Variants in LIPG observed in about 807,000 individuals in gnomAD.
The protein encoded by LIPG is lipase G, endothelial type, also known as endothelial lipase.
In LIPG, 34 loss-of-function variants were observed where a neutral mutation model predicts 51.8. The ratio of observed to expected loss-of-function variants is 0.66; its 90% CI spans 0.50 to 0.87. The LOEUF (loss-of-function observed/expected upper bound fraction) is 0.87, where lower values mean the gene tolerates loss of function less well. Ranked by LOEUF, LIPG falls within the 40% of genes least tolerant of loss-of-function variation. LIPG has a pLI of 0.00. For synonymous variants in LIPG, 246 were observed against 246.1 expected, an observed-to-expected ratio of 1.00 and a Z score of 0.00; for missense variants, 580 against 652.7, an observed-to-expected ratio of 0.89 and a Z score of 1.21.
chr18:49,595,986 A>G lies in LIPG; in HGVS notation c.*5464A>G, dbSNP rs2084980344. The stretch of plus-strand genomic sequence containing the variant: ...CAAAGAGAAACAAAATTAGATTCCT[A>G]TTTTAACACGCAACAAAGATGAATT... On this transcript the variant is annotated 3_prime_UTR_variant, in exon 10 of 10. Coordinates refer to ENST00000261292, the MANE Select transcript of LIPG (RefSeq NM_006033.4). 1 of 152,220 alleles carries G rather than the reference A, an allele frequency of 6.6e-6. No homozygotes were observed. The highest frequency in any genetic ancestry group is 1.5e-5 in the Non-Finnish European group (1 of 68,044). 9.4% of individuals were successfully genotyped at this position (152,220 alleles called of 1,614,324 possible).
rs186693251 is a variant in LIPG at position 49,567,615 on chromosome 18, G to T, written c.453G>T (p.Trp151Cys). The T allele has an allele frequency of 1.2e-5, 20 of 1,613,918 alleles. 1 individual carries two copies. In the Admixed American group the frequency reaches 3.3e-4, roughly 27 times the overall value. ...VGHSIARMLD[W>C]LQEKDDFSLG... ...ACAGCATTGCCAGGATGCTCGACTG[G>T]CTGCAGGTACTGGGGGATGAGAGGG... The change falls in exon 3 of 10, where the codon TGG becomes TGT. Residue 151 changes from tryptophan to cysteine, a missense_variant. By Grantham distance (215) the Trp-to-Cys change is radical (BLOSUM62 -2). Coordinates refer to ENST00000261292, the MANE Select transcript of LIPG (RefSeq NM_006033.4).
intron 2 of LIPG, 151 bp from the exon 3 acceptor site, chr18:49,567,291 G>C (rs1341670879): frequency 5.6e-6 from 4 of 720,106 alleles, no homozygotes; most frequent in African/African-American, 5.4e-5. Flanking sequence ...AGCTGAGATT[G>C]TTGTCAGTGC....
At position 49,571,765 on chromosome 18, in the gene LIPG, C is replaced by G. The variant is rs1287613934; in HGVS notation, c.571+2217C>G. 2.0e-5 allele frequency among the ~76,000 whole-genome samples: 3 copies of G among 152,282 alleles called. No homozygotes were observed. In the East Asian group the frequency reaches 5.8e-4, roughly 29 times the overall value. ...AGTGATGCCACTATGCTAAGGCCAC[C>G]AGGCAGTCCTTAGCCTGGGCCTTGC... On this transcript the variant is annotated intron_variant, in intron 4 of 9. Transcript: ENST00000261292.
Position 49,564,360 on chromosome 18 carries a change from C to T in LIPG, c.98-957C>T, listed in dbSNP as rs982597636. ...GGGGTCCATTTATGACTTTCTGAAACGGTGTCATGATGACAGCACCTACTT... is the reference window on the plus strand; with the variant it reads ...GGGGTCCATTTATGACTTTCTGAAATGGTGTCATGATGACAGCACCTACTT... On this transcript the variant is annotated intron_variant, in intron 1 of 9. Coordinates refer to ENST00000261292, the MANE Select transcript of LIPG (RefSeq NM_006033.4). Among the ~76,000 whole-genome samples, 7 of 152,266 alleles carry T rather than the reference C, an allele frequency of 4.6e-5. No homozygotes were observed. In the South Asian group the frequency reaches 8.3e-4, roughly 18 times the overall value.
chr18:49,581,799 G>A lies in LIPG; in HGVS notation c.1036+142G>A. 2.1e-5 allele frequency: 22 copies of A among 1,030,806 alleles called. No individual in the cohort carries two copies. In the South Asian group the frequency reaches 2.7e-4, roughly 13 times the overall value. 63.9% of individuals were successfully genotyped at this position (1,030,806 alleles called of 1,614,324 possible). ...AAATCGTTGCAAATCAGATTACACT[G>A]TGCATGTCCTAGGAAAGGGAATCTT... is the stretch of plus-strand genomic sequence containing the variant. On this transcript the variant is annotated intron_variant, in intron 6 of 9. Coordinates refer to ENST00000261292, the MANE Select transcript of LIPG (RefSeq NM_006033.4).
chr18:49,583,723 G>T lies in LIPG; in HGVS notation c.1325G>T (p.Arg442Leu), dbSNP rs372872369. The T allele has an allele frequency of 6.2e-7, 1 of 1,614,074 alleles. No individual in the cohort carries two copies. The part of the protein sequence containing the change: ...SYLSQPRNPG[R>L]ELNIRRIRVK... ...CTGTCTCAACCCCGCAACCCCGGAC[G>T]GGAGCTGAATATCAGGCGCATCCGG... The change falls in exon 8 of 10, where the codon CGG becomes CTG. Residue 442 changes from arginine (R) to leucine (L), a missense_variant. By Grantham distance (102) the Arg-to-Leu change is moderately radical. Coordinates refer to ENST00000261292, the MANE Select transcript of LIPG (RefSeq NM_006033.4).
chr18:49,581,045 A>G (rs2084813195), intron 5 of LIPG, among the ~76,000 whole-genome samples: 2 of 151,912 alleles, frequency 1.3e-5, no homozygotes, highest in South Asian at 4.2e-4. Flanking sequence ...GATTGCTTGA[A>G]CCCAGGAGTT....
chr18:49,590,153 C>T (rs2084924827), intron 9 of LIPG: 2 of 415,140 alleles, frequency 4.8e-6, no homozygotes, highest in Non-Finnish European at 9.0e-6. Flanking sequence ...ATAGTTCTCC[C>T]CACACTTGTG....
rs61762476 is a variant in LIPG at position 49,575,427 on chromosome 18, G to A, written c.630G>A (p.Pro210=). 542 of 1,613,986 alleles carry A rather than the reference G, an allele frequency of 3.4e-4. 1 individual carries two copies. The African/African-American group carries it at 4.0e-3, about 12-fold the overall frequency. ...EGADIHKRLS[P]DDADFVDVLH... ...CCGACATCCACAAGAGGCTCTCTCC[G>A]GACGATGCAGATTTTGTGGATGTCC... The change falls in exon 5 of 10, where the codon CCG becomes CCA. Residue 210 remains proline, a synonymous_variant. Coordinates refer to ENST00000261292, the MANE Select transcript of LIPG (RefSeq NM_006033.4).
chr18:49,566,536 T>C (rs1383836876), intron 2 of LIPG, among the ~76,000 whole-genome samples: 1 of 152,220 alleles, frequency 6.6e-6, no homozygotes, highest in Non-Finnish European at 1.5e-5. Flanking sequence ...ATAATGTGCT[T>C]GTGGATAGGT....
chr18:49,571,558 A>G lies in LIPG; in HGVS notation c.571+2010A>G, dbSNP rs144259924. Among the ~76,000 whole-genome samples the G allele has an allele frequency of 2.8e-3, 432 of 152,244 alleles. 2 individuals are homozygous for G. Among genetic ancestry groups the G allele is most frequent in the African/African-American group, 9.9e-3 (410 of 41,538 alleles). ...TCCCTTCCCTCTGGCCTTTCTCTGT[A>G]GAGAAGGGGCCTGGCCTCTGTCCAG... On this transcript the variant is annotated intron_variant, in intron 4 of 9. Transcript: ENST00000261292.
chr18:49,588,096 A>T (rs1013371248), intron 9 of LIPG, among the ~76,000 whole-genome samples: 1 of 151,636 alleles, frequency 6.6e-6, no homozygotes. Context: ...GGCCCCTGCC[A>T]TCTTTGATTG....
intron 4 of LIPG, among the ~76,000 whole-genome samples, chr18:49,574,558 A>C (rs895672867): frequency 8.0e-5 from 12 of 150,880 alleles, no homozygotes; most frequent in African/African-American, 2.4e-5. Context: ...TCCCTTACCC[A>C]CTCTCTCCCC....
chr18:49,586,500 A>G (rs2084881582), intron 8 of LIPG, among the ~76,000 whole-genome samples: 2 of 152,064 alleles, frequency 1.3e-5, no homozygotes, highest in Non-Finnish European at 2.9e-5. Context: ...GGCCTTTTGG[A>G]TAGACAGAAG....
At chr18:49,568,389 AC>A (rs2084629205) in intron 3 of LIPG, among the ~76,000 whole-genome samples, 1 of 146,278 alleles carries the variant, frequency 6.8e-6, no homozygotes, top group Admixed American at 6.9e-5. Context: ...TCTTATATTT[AC>A]TTTTTTTTTT....
At chr18:49,584,786 A>G (rs1238917606) in intron 8 of LIPG, among the ~76,000 whole-genome samples, 4 of 152,214 alleles carry the variant, frequency 2.6e-5, no homozygotes, top group Non-Finnish European at 5.9e-5. Flanking sequence ...GGTACAAACT[A>G]TACCTATGGA....
chr18:49,581,419 C>G lies in LIPG; in HGVS notation c.798C>G (p.Ile266Met), dbSNP rs984435796. 1 of 1,614,198 alleles carries G rather than the reference C, an allele frequency of 6.2e-7. No individual in the cohort carries two copies. The highest frequency in any genetic ancestry group is 1.1e-5 in the South Asian group (1 of 91,080). ...TTTTATCTCTCCCACCCCCAGCAAT[C>G]ACAGAGGTGGTAAAATGTGAGCATG... ...DVLGSIAYGT[I>M]TEVVKCEHER... Residue 266 changes from isoleucine to methionine, a missense_variant, in exon 6 of 10, where the codon ATC (isoleucine) becomes ATG (methionine). By Grantham distance (10) the Ile-to-Met change is conservative (BLOSUM62 1). Coordinates refer to ENST00000261292, the MANE Select transcript of LIPG (RefSeq NM_006033.4).
intron 3 of LIPG, among the ~76,000 whole-genome samples, chr18:49,568,155 G>A (rs562075804): frequency 1.1e-4 from 16 of 151,344 alleles, no homozygotes; most frequent in South Asian, 1.0e-3. Flanking sequence ...TCAGCCTCCC[G>A]AGTAACTGAA....
At chr18:49,573,215 CTCTCTT>C (rs1396786372) in intron 4 of LIPG, among the ~76,000 whole-genome samples, 4 of 152,354 alleles carry the variant, frequency 2.6e-5, no homozygotes, top group African/African-American at 9.6e-5. Context: ...CAGAATGTTG[CTCTCTT>C]TCTCTTTCCT....
Sources: allele counts gnomAD v4.1 joint callset (sites outside exome capture counted in the v4.1 genomes callset), GRCh38; gene constraint gnomAD v4.1.1; transcripts MANE v1.5; gene names NCBI Gene and HGNC (gene_info 2026-07-23, HGNC 2026-07-21).